Variants in DGAT2 observed in about 807,000 individuals in gnomAD.
DGAT2 encodes diacylglycerol O-acyltransferase 2.
DGAT2 carries 33 observed loss-of-function variants against 48.4 expected under a neutral mutation model. That is an observed-to-expected ratio of 0.68 (90% CI 0.52 to 0.91). The LOEUF (loss-of-function observed/expected upper bound fraction) is 0.91, where lower values mean the gene tolerates loss of function less well. Ranked by LOEUF, DGAT2 falls within the 40% of genes least tolerant of loss-of-function variation. The pLI, the probability that DGAT2 is intolerant of heterozygous loss-of-function variation, is 0.00. For synonymous variants in DGAT2, 191 were observed against 194.1 expected, an observed-to-expected ratio of 0.98 and a Z score of 0.13; for missense variants, 446 against 493.7, an observed-to-expected ratio of 0.90 and a Z score of 0.92.
intron 1 of DGAT2, among the ~76,000 whole-genome samples, chr11:75,777,578 G>A (rs1418757262): frequency 1.3e-5 from 2 of 152,192 alleles, no homozygotes; most frequent in Non-Finnish European, 2.9e-5. Context: ...TATAGATGAG[G>A]AAGCTGAAGC....
chr11:75,772,204 G>A (rs990839550), intron 1 of DGAT2, among the ~76,000 whole-genome samples: 1 of 152,156 alleles, frequency 6.6e-6, no homozygotes, highest in Admixed American at 6.5e-5. Flanking sequence ...TTTTGAGGAA[G>A]CTCCCCAAGC....
chr11:75,769,028 C>A lies in DGAT2; in HGVS notation c.37C>A (p.Arg13Ser). 6.3e-7 allele frequency: 1 copy of A among 1,576,898 alleles called. No individual in the cohort carries two copies. Among genetic ancestry groups the A allele is most frequent in the Non-Finnish European group, 8.6e-7 (1 of 1,164,210 alleles). The change falls in exon 1 of 8, where the codon CGC becomes AGC. Residue 13 changes from arginine (R) to serine (S), a missense_variant. Transcript: ENST00000228027. The stretch of plus-strand genomic sequence containing the variant: ...CATAGCCGCCTACTCCGGGGTCCTG[C>A]GCGGCGAGCGTCAGGCCGAGGCTGA... ...TLIAAYSGVL[R>S]GERQAEADRS...
chr11:75,790,636 A>C, intron 3 of DGAT2, 25 bp from the exon 4 acceptor site: 1 of 1,611,596 alleles, frequency 6.2e-7, no homozygotes, highest in Non-Finnish European at 8.5e-7. Flanking sequence ...CACCCCCACC[A>C]ACTCTGTATT....
intron 1 of DGAT2, chr11:75,776,769 CAT>C (rs770003152): frequency 2.6e-5 from 4 of 152,212 alleles, no homozygotes; most frequent in Non-Finnish European, 4.4e-5. Context: ...CTCTCATCAT[CAT>C]GTGTGTGGAC....
chr11:75,768,827 C>T lies in DGAT2; in HGVS notation c.-165C>T, dbSNP rs1944725909. On this transcript the variant is annotated 5_prime_UTR_variant, in exon 1 of 8. Transcript: ENST00000228027. ...GTCTAGGCTGTTTCTCTCGCGCCAC[C>T]ACTGGCCGCCGGCCGCAGCTCCAGG... 1.6e-5 allele frequency: 14 copies of T among 896,636 alleles called. No individual in the cohort carries two copies. Among genetic ancestry groups the T allele is most frequent in the Non-Finnish European group, 2.1e-5 (14 of 657,230 alleles). The allele number at this position is 896,636 out of a possible 1,614,324, so 55.5% of individuals were successfully genotyped here. A position where few individuals can be genotyped will look rare whatever the true frequency, so the allele number is the denominator to read the frequency against.
At position 75,796,310 on chromosome 11, in the gene DGAT2, C is replaced by T. The variant is rs757614739; in HGVS notation, c.430-18C>T. On this transcript the variant is annotated intron_variant, in intron 4 of 7. Transcript: ENST00000228027. ...CCTCTCCCAGCCAGTTTCCTCTGAC[C>T]CAAGGTCATCCTTGCAGCTGGTGAA... 32 of 1,610,718 alleles carry T rather than the reference C, an allele frequency of 2.0e-5. No individual in the cohort carries two copies. Among genetic ancestry groups the T allele is most frequent in the Non-Finnish European group, 2.7e-5 (32 of 1,177,484 alleles).
intron 1 of DGAT2, among the ~76,000 whole-genome samples, chr11:75,769,699 G>A (rs1462758801): frequency 6.6e-6 from 1 of 151,892 alleles, no homozygotes; most frequent in Non-Finnish European, 1.5e-5. Context: ...ACCCCCCGCA[G>A]CTTTTCCCAA....
intron 1 of DGAT2, among the ~76,000 whole-genome samples, chr11:75,771,436 T>C (rs962557120): frequency 1.1e-4 from 17 of 152,050 alleles, no homozygotes; most frequent in African/African-American, 4.1e-4. Flanking sequence ...CCCAGTAAAA[T>C]TTTGAGCTGA....
chr11:75,792,020 C>T (rs1314341582), intron 4 of DGAT2: 2 of 152,312 alleles, frequency 1.3e-5, no homozygotes, highest in African/African-American at 2.4e-5. Context: ...TCTGCTTTCT[C>T]TCTCACCTCA....
chr11:75,771,064 C>T (rs942856781), intron 1 of DGAT2, among the ~76,000 whole-genome samples: 6 of 151,980 alleles, frequency 3.9e-5, no homozygotes, highest in East Asian at 1.9e-4. Context: ...GTGAACAGCC[C>T]GTCAGTGACA....
chr11:75,792,707 AG>A (rs1430215598), intron 4 of DGAT2: 2 of 152,006 alleles, frequency 1.3e-5, no homozygotes, highest in African/African-American at 4.8e-5. Flanking sequence ...AGGAGCAGAC[AG>A]TGCCCCACAT....
intron 6 of DGAT2, among the ~76,000 whole-genome samples, chr11:75,797,797 C>A (rs1945072670): frequency 6.6e-6 from 1 of 152,108 alleles, no homozygotes; most frequent in Admixed American, 6.5e-5. Context: ...CCAGTCCCTG[C>A]CTTCAGGGAG....
intron 1 of DGAT2, among the ~76,000 whole-genome samples, chr11:75,771,455 G>A (rs1222717358): frequency 2.6e-5 from 4 of 152,108 alleles, no homozygotes; most frequent in Non-Finnish European, 5.9e-5. Flanking sequence ...GATTTGTTGT[G>A]TGCGGCTCCA....
intron 1 of DGAT2, among the ~76,000 whole-genome samples, chr11:75,774,303 C>T (rs1944785327): frequency 6.6e-6 from 1 of 152,210 alleles, no homozygotes; most frequent in South Asian, 2.1e-4. Flanking sequence ...CCTCAGCAAG[C>T]CACTACCCTT....
intron 1 of DGAT2, chr11:75,776,356 A>T (rs1348543270): frequency 6.6e-6 from 1 of 152,274 alleles, no homozygotes. Context: ...CTGCAAATGC[A>T]CACACATACC....
chr11:75,800,360 A>T lies in DGAT2; in HGVS notation c.1019A>T (p.Glu340Val). ...YSKPITTVVG[E>V]PITIPKLEHP... ...CTCTGCCCTGTCCCTGCAGTGGGAG[A>T]GCCCATCACCATCCCCAAGCTGGAG... Residue 340 changes from glutamate to valine, a missense_variant, in exon 8 of 8, where the codon GAG becomes GTG. Physicochemically the swap from Glu to Val is moderately radical, Grantham distance 121. Coordinates refer to ENST00000228027, the MANE Select transcript of DGAT2 (RefSeq NM_032564.5). The T allele has an allele frequency of 6.2e-7, 1 of 1,613,962 alleles. No homozygotes were observed. Among genetic ancestry groups the T allele is most frequent in the Non-Finnish European group, 8.5e-7 (1 of 1,179,968 alleles).
intron 2 of DGAT2, among the ~76,000 whole-genome samples, chr11:75,789,228 C>T (rs1210451820): frequency 6.6e-6 from 1 of 152,118 alleles, no homozygotes; most frequent in Non-Finnish European, 1.5e-5. Flanking sequence ...TGGCTCACTG[C>T]AGCTTCAAAC....
At chr11:75,785,056 G>A (rs575860965) in intron 2 of DGAT2, among the ~76,000 whole-genome samples, 3 of 152,252 alleles carry the variant, frequency 2.0e-5, no homozygotes, top group South Asian at 2.1e-4. Context: ...CCTGTCTACA[G>A]GACCCCCAAA....
chr11:75,772,578 A>T (rs1944438), intron 1 of DGAT2, among the ~76,000 whole-genome samples: 1 of 152,076 alleles, frequency 6.6e-6, no homozygotes, highest in Admixed American at 6.5e-5. Context: ...GCCACTTCCA[A>T]TCTAGAGAGC....
Sources: allele counts gnomAD v4.1 joint callset (sites outside exome capture counted in the v4.1 genomes callset), GRCh38; gene constraint gnomAD v4.1.1; transcripts MANE v1.5; gene names NCBI Gene and HGNC (gene_info 2026-07-23, HGNC 2026-07-21).